Variants in SSX2IP observed in about 807,000 individuals in gnomAD.
SSX2IP encodes afadin- and alpha-actinin-binding protein.
Under a neutral mutation model 84.9 loss-of-function variants are expected in SSX2IP, and 55 were observed. The observed-to-expected ratio is 0.65, with a 90% CI of 0.52 to 0.81. The LOEUF (loss-of-function observed/expected upper bound fraction) is 0.81. Ranked by LOEUF, SSX2IP falls within the 30% of genes least tolerant of loss-of-function variation. SSX2IP has a pLI of 0.00. For synonymous variants in SSX2IP, 239 were observed against 234.7 expected, an observed-to-expected ratio of 1.02 and a Z score of -0.17; for missense variants, 664 against 705.2, an observed-to-expected ratio of 0.94 and a Z score of 0.66.
At chr1:84,655,777 A>G (rs1178340282) in intron 11 of SSX2IP, 55 bp downstream of exon 11, 1 of 1,573,504 alleles carries the variant, frequency 6.4e-7, no homozygotes, top group African/African-American at 1.4e-5. Flanking sequence ...GAAGCATTCT[A>G]CTGAGGCCCA....
intron 1 of SSX2IP, among the ~76,000 whole-genome samples, chr1:84,686,897 T>G (rs111733210): frequency 0.016 from 2,400 of 151,970 alleles, 51 homozygotes; most frequent in Admixed American, 0.064. Flanking sequence ...AAAAGGAAAA[T>G]CACTTGTTCA....
chr1:84,686,690 A>G (rs1655841285), intron 1 of SSX2IP, among the ~76,000 whole-genome samples: 1 of 152,204 alleles, frequency 6.6e-6, no homozygotes, highest in Admixed American at 6.5e-5. Flanking sequence ...AAGAGATACA[A>G]AGAGACAGGG....
At position 84,676,990 on chromosome 1, in the gene SSX2IP, T is replaced by C. The variant is rs538950118; in HGVS notation, c.-89-5682A>G. 2.1e-3 allele frequency among the ~76,000 whole-genome samples: 322 copies of C among 152,118 alleles called. 1 individual carries two copies. The highest frequency in any genetic ancestry group is 3.7e-3 in the Non-Finnish European group (253 of 67,950). On this transcript the variant is annotated intron_variant, in intron 1 of 13. Coordinates refer to ENST00000342203, the MANE Select transcript of SSX2IP (RefSeq NM_001166293.2). ...TCGGACTTCCAAAGTGCTGGGATTATAGGCGTGAGCCACCATGCCCAGTCA... is the reference window on the plus strand; with the variant it reads ...TCGGACTTCCAAAGTGCTGGGATTACAGGCGTGAGCCACCATGCCCAGTCA...
intron 11 of SSX2IP, among the ~76,000 whole-genome samples, chr1:84,654,881 AAAG>A (rs1316538867): frequency 6.6e-6 from 1 of 152,194 alleles, no homozygotes; most frequent in Non-Finnish European, 1.5e-5. Flanking sequence ...CAAAAATTGC[AAAG>A]TAGTACAGCA....
rs1291362932 is a variant in SSX2IP at position 84,654,385 on chromosome 1, GA to G, written c.1389+1446del. Among the ~76,000 whole-genome samples the G allele has an allele frequency of 2.0e-4, 31 of 151,332 alleles. No individual in the cohort carries two copies. The East Asian group carries it at 5.2e-3, about 26-fold the overall frequency. ...AATGGAATAATTCAAAGTTTTGAAG[GA>G]AAAAAAACTGGAATCTAAATTCTAT... On this transcript the variant is annotated intron_variant, in intron 11 of 13. Transcript: ENST00000342203.
At chr1:84,654,318 T>C (rs1650755445) in intron 11 of SSX2IP, among the ~76,000 whole-genome samples, 1 of 152,052 alleles carries the variant, frequency 6.6e-6, no homozygotes, top group African/African-American at 2.4e-5. Flanking sequence ...CACAGGTATA[T>C]TACAATCAGG....
chr1:84,657,302 A>G (rs2102263437), intron 9 of SSX2IP, among the ~76,000 whole-genome samples: 1 of 152,230 alleles, frequency 6.6e-6, no homozygotes, highest in East Asian at 1.9e-4. Flanking sequence ...TTAAAATTTA[A>G]AAAAAAGTAA....
In SSX2IP at chr1:84,648,781, A is replaced by G. The variant is rs747706143; in HGVS notation, c.1671-1174T>C. Among the ~76,000 whole-genome samples, 79 of 152,350 alleles carry G rather than the reference A, an allele frequency of 5.2e-4. 1 individual carries two copies. Among genetic ancestry groups the G allele is most frequent in the Middle Eastern group, 3.4e-3 (1 of 294 alleles). On this transcript the variant is annotated intron_variant, in intron 13 of 13. Coordinates refer to ENST00000342203, the MANE Select transcript of SSX2IP (RefSeq NM_001166293.2). The stretch of plus-strand genomic sequence containing the variant: ...GTAAGAAAATACTATAAGCTTACAC[A>G]TTATCTTTTGATTGTAAAATAAATA...
intron 9 of SSX2IP, among the ~76,000 whole-genome samples, chr1:84,657,108 T>A (rs1651230304): frequency 6.6e-6 from 1 of 152,154 alleles, no homozygotes; most frequent in South Asian, 2.1e-4. Context: ...TTTTGACAAT[T>A]TAAATTTTTC....
intron 1 of SSX2IP, among the ~76,000 whole-genome samples, chr1:84,684,077 G>A (rs1265327814): frequency 6.6e-6 from 1 of 152,116 alleles, no homozygotes; most frequent in Non-Finnish European, 1.5e-5. Flanking sequence ...AAAGGCATTG[G>A]AAATAACAAA....
At chr1:84,687,963 A>G (rs1428068205) in intron 1 of SSX2IP, among the ~76,000 whole-genome samples, 3 of 152,014 alleles carry the variant, frequency 2.0e-5, no homozygotes, top group East Asian at 1.9e-4. Flanking sequence ...AAGCCTTCCT[A>G]TATTTGTTTT....
chr1:84,667,744 C>A (rs903874509), intron 4 of SSX2IP, among the ~76,000 whole-genome samples: 1 of 152,132 alleles, frequency 6.6e-6, no homozygotes, highest in African/African-American at 2.4e-5. Flanking sequence ...TACGCATTTA[C>A]ACAAGTCATA....
At chr1:84,656,208 T>G in intron 10 of SSX2IP, 140 bp downstream of exon 10, 1 of 952,252 alleles carries the variant, frequency 1.1e-6, no homozygotes, top group South Asian at 1.8e-5. Flanking sequence ...TGGTACACAA[T>G]GTATCTGTTA....
chr1:84,661,660 T>A (rs545555995), intron 8 of SSX2IP, among the ~76,000 whole-genome samples: 1 of 152,148 alleles, frequency 6.6e-6, no homozygotes, highest in Non-Finnish European at 1.5e-5. Context: ...CCCAATAAAT[T>A]TATATTTGTT....
chr1:84,685,295 G>GA (rs1206550747), intron 1 of SSX2IP, among the ~76,000 whole-genome samples: 1 of 152,156 alleles, frequency 6.6e-6, no homozygotes, highest in African/African-American at 2.4e-5. Context: ...AAAAGTACAA[G>GA]AACAGGCAAT....
intron 13 of SSX2IP, 185 bp downstream of exon 13, chr1:84,650,177 C>T: frequency 1.6e-6 from 1 of 636,238 alleles, no homozygotes; most frequent in Non-Finnish European, 2.8e-6. Context: ...TAGTGTATTT[C>T]CAGCATCTAG....
Position 84,651,975 on chromosome 1 carries a change from C to G in SSX2IP, c.1412G>C (p.Arg471Thr), listed in dbSNP as rs760633199. Reference sequence around the variant, plus strand: ...AAACTGCTGCTTTAACCAACTGGCTCTTTCTTCTTCAAATGCCTTTCTCTA... The same window carrying G: ...AAACTGCTGCTTTAACCAACTGGCTGTTTCTTCTTCAAATGCCTTTCTCTA... Reference protein sequence around the residue: ...GLERKAFEEERASWLKQQFLN... With the variant: ...GLERKAFEEETASWLKQQFLN... The change falls in exon 12 of 14, where the codon AGA becomes ACA. Residue 471 changes from arginine to threonine, a missense_variant. Transcript: ENST00000342203. 6.2e-7 allele frequency: 1 copy of G among 1,613,632 alleles called. No homozygotes were observed. Among genetic ancestry groups the G allele is most frequent in the Admixed American group, 1.7e-5 (1 of 59,994 alleles).
rs567698387 is a variant in SSX2IP at position 84,672,141 on chromosome 1, A to C, written c.-89-833T>G. Among the ~76,000 whole-genome samples the C allele has an allele frequency of 1.6e-4, 25 of 152,306 alleles. 1 individual carries two copies. The highest frequency in any genetic ancestry group is 6.0e-4 in the African/African-American group (25 of 41,560). On this transcript the variant is annotated intron_variant, in intron 1 of 13. Transcript: ENST00000342203. ...TTTTTATAGAGACAATGGAAGAGAT[A>C]AATATTTCTCCATCATAAGAAAAAC...
chr1:84,684,382 C>A (rs1306070932), intron 1 of SSX2IP, among the ~76,000 whole-genome samples: 2 of 151,998 alleles, frequency 1.3e-5, no homozygotes, highest in African/African-American at 4.8e-5. Flanking sequence ...TTAGAGAACA[C>A]CAAAAAGGAA....
Sources: allele counts gnomAD v4.1 joint callset (sites outside exome capture counted in the v4.1 genomes callset), GRCh38; gene constraint gnomAD v4.1.1; transcripts MANE v1.5; gene names NCBI Gene and HGNC (gene_info 2026-07-23, HGNC 2026-07-21).